TASP1: variants seen among roughly 807,000 people sequenced by gnomAD.
The protein encoded by TASP1 is threonine aspartase 1.
TASP1 carries 16 observed loss-of-function variants against 56.6 expected under a neutral mutation model. That is an observed-to-expected ratio of 0.28 (90% CI 0.19 to 0.43). TASP1 has a LOEUF of 0.43. Among genes scored for constraint, TASP1 ranks in the 20% least tolerant of loss-of-function variants. The pLI is 1.00. For missense variants in TASP1, 393 were observed against 511.6 expected (o/e 0.77, Z 2.24); for synonymous variants, 179 against 184.2 (o/e 0.97, Z 0.23).
chr20:13,618,287 C>T (rs1343252682), intron 4 of TASP1, among the ~76,000 whole-genome samples: 1 of 152,046 alleles, frequency 6.6e-6, no homozygotes, highest in Non-Finnish European at 1.5e-5. Flanking sequence ...GTGGCGCACG[C>T]CTGTAGTCCC....
At chr20:13,138,093 G>C in the TASP1 span, among the ~76,000 whole-genome samples, 1 of 152,118 alleles carries the variant, frequency 6.6e-6, no homozygotes, top group Non-Finnish European at 1.5e-5. Flanking sequence ...GAGTTACTCA[G>C]TCCACCCCCA....
intron 6 of TASP1, among the ~76,000 whole-genome samples, chr20:13,572,013 C>T (rs1043578553): frequency 6.6e-6 from 1 of 152,204 alleles, no homozygotes; most frequent in Admixed American, 6.5e-5. Context: ...CACTCCTCTA[C>T]CCAGTACTCA....
At chr20:13,458,681 A>G (rs936672666) in intron 11 of TASP1, among the ~76,000 whole-genome samples, 1 of 152,116 alleles carries the variant, frequency 6.6e-6, no homozygotes. Context: ...ATAAATAAAA[A>G]AAAGAATCAT....
chr20:13,459,376 C>G (rs2043969057), intron 11 of TASP1, among the ~76,000 whole-genome samples: 1 of 152,100 alleles, frequency 6.6e-6, no homozygotes, highest in African/African-American at 2.4e-5. Flanking sequence ...CCCTAAGTAG[C>G]CAAAGTCCAT....
intron 13 of TASP1, among the ~76,000 whole-genome samples, chr20:13,397,801 C>T (rs2041596906): frequency 6.6e-6 from 1 of 152,104 alleles, no homozygotes; most frequent in African/African-American, 2.4e-5. Flanking sequence ...AAGTGAAAAA[C>T]TTCAACTCAA....
the TASP1 span, among the ~76,000 whole-genome samples, chr20:13,286,338 T>G: frequency 1.2e-5 from 1 of 85,428 alleles, no homozygotes; most frequent in African/African-American, 4.6e-5. Flanking sequence ...GAGCAGCGAC[T>G]GCTCCTACCT....
intron 8 of TASP1, among the ~76,000 whole-genome samples, chr20:13,554,493 G>A (rs1287549310): frequency 6.7e-6 from 1 of 148,488 alleles, no homozygotes; most frequent in Non-Finnish European, 1.5e-5. Context: ...CTGTGATAAT[G>A]TTTGTATAAT....
chr20:13,540,275 A>G (rs2045572728), intron 8 of TASP1, among the ~76,000 whole-genome samples: 1 of 152,208 alleles, frequency 6.6e-6, no homozygotes, highest in Admixed American at 6.5e-5. Context: ...AAGTATGTCC[A>G]ATTTGACTTA....
At chr20:13,627,431 G>A (rs935856697) in intron 2 of TASP1, among the ~76,000 whole-genome samples, 1 of 152,172 alleles carries the variant, frequency 6.6e-6, no homozygotes, top group Non-Finnish European at 1.5e-5. Context: ...TTACCTGAGA[G>A]TATGAAATTA....
At chr20:13,509,767 C>T (rs748534909) in intron 10 of TASP1, among the ~76,000 whole-genome samples, 16 of 152,196 alleles carry the variant, frequency 1.1e-4, no homozygotes, top group Admixed American at 2.0e-4. Context: ...GCTGAGACTA[C>T]AGGCGCGCAC....
the TASP1 span, among the ~76,000 whole-genome samples, chr20:13,337,881 T>A: frequency 6.6e-6 from 1 of 152,178 alleles, no homozygotes; most frequent in East Asian, 1.9e-4. Context: ...TTAGTACACA[T>A]GGAACTTACA....
the TASP1 span, among the ~76,000 whole-genome samples, chr20:13,322,188 T>G: frequency 2.6e-5 from 4 of 152,242 alleles, no homozygotes; most frequent in Non-Finnish European, 2.9e-5. Flanking sequence ...CCTAGATGAC[T>G]TCCAATTTGA....
intron 10 of TASP1, among the ~76,000 whole-genome samples, chr20:13,513,410 G>A (rs981029103): frequency 1.3e-5 from 2 of 150,006 alleles, no homozygotes; most frequent in Non-Finnish European, 3.0e-5. Context: ...AAGAGGGAGG[G>A]AGGGAGGGAG....
chr20:13,634,079 C>T (rs1271806110), intron 1 of TASP1, among the ~76,000 whole-genome samples: 2 of 152,100 alleles, frequency 1.3e-5, no homozygotes, highest in African/African-American at 4.8e-5. Context: ...ATATGCTACA[C>T]AAAAACTTAT....
intron 10 of TASP1, among the ~76,000 whole-genome samples, chr20:13,503,232 A>T (rs2044010128): frequency 6.6e-6 from 1 of 152,048 alleles, no homozygotes; most frequent in Non-Finnish European, 1.5e-5. Context: ...AAACAGCCCC[A>T]TGGGCACCCC....
At chr20:13,225,679 G>A in the TASP1 span, among the ~76,000 whole-genome samples, 2 of 152,142 alleles carry the variant, frequency 1.3e-5, no homozygotes, top group East Asian at 3.8e-4. Flanking sequence ...TCTTTGAATG[G>A]TTGTCAGTAT....
At chr20:13,621,234 G>GTCAA (rs1359268941) in intron 4 of TASP1, among the ~76,000 whole-genome samples, 9 of 151,908 alleles carry the variant, frequency 5.9e-5, no homozygotes, top group African/African-American at 2.2e-4. Flanking sequence ...GACCACCCTG[G>GTCAA]TCAACATGGT....
At chr20:13,343,685 G>A in the TASP1 span, among the ~76,000 whole-genome samples, 3 of 151,152 alleles carry the variant, frequency 2.0e-5, no homozygotes, top group Non-Finnish European at 2.9e-5. Flanking sequence ...GCTCCCCCTC[G>A]GGACTCAGGG....
intron 8 of TASP1, among the ~76,000 whole-genome samples, chr20:13,555,744 A>C (rs184356443): frequency 3.3e-4 from 51 of 152,332 alleles, no homozygotes; most frequent in Admixed American, 9.2e-4. Context: ...GGCATCTAGA[A>C]TAGTGAGTCC....
Sources: allele counts gnomAD v4.1 joint callset (sites outside exome capture counted in the v4.1 genomes callset), GRCh38; gene constraint gnomAD v4.1.1; transcripts MANE v1.5; gene names NCBI Gene and HGNC (gene_info 2026-07-23, HGNC 2026-07-21).